PAQR3: variants seen among roughly 807,000 people sequenced by gnomAD.
PAQR3 encodes the protein Raf kinase trapping to Golgi.
Under a neutral mutation model 41.7 loss-of-function variants are expected in PAQR3, and 39 were observed. The ratio of observed to expected loss-of-function variants is 0.93; its 90% confidence interval spans 0.72 to 1.22. The LOEUF is 1.22. PAQR3 is among the 50% of genes most tolerant of loss of function. The pLI is 0.00. For synonymous variants in PAQR3, 140 were observed against 140.6 expected, an observed-to-expected ratio of 1.00 and a Z score of 0.03; for missense variants, 366 against 385.6, an observed-to-expected ratio of 0.95 and a Z score of 0.42.
downstream of PAQR3, chr4:78,910,496 A>G: frequency 1.1e-6 from 1 of 878,616 alleles, no homozygotes; most frequent in East Asian, 2.8e-5. Flanking sequence ...TTTTTCCTCT[A>G]AGGGAACTCG....
downstream of PAQR3, chr4:78,911,093 A>G (rs764890177): frequency 8.7e-6 from 14 of 1,613,988 alleles, no homozygotes; most frequent in East Asian, 2.9e-4. Context: ...GTTGCAGTGG[A>G]GACTCCCAAA....
Position 78,919,077 on chromosome 4 carries a change from A to G in PAQR3, c.*1462T>C. The G allele has an allele frequency of 2.0e-6, 2 of 985,068 alleles. No individual in the cohort carries two copies. Among genetic ancestry groups the G allele is most frequent in the Non-Finnish European group, 1.2e-6 (1 of 829,736 alleles). 61.0% of individuals were successfully genotyped at this position (985,068 alleles called of 1,614,324 possible). A position where few individuals can be genotyped will look rare whatever the true frequency, so the allele number is the denominator to read the frequency against. On this transcript the variant is annotated 3_prime_UTR_variant, in exon 6 of 6. Coordinates refer to ENST00000512733, the MANE Select transcript of PAQR3 (RefSeq NM_001040202.2). ...ACTAGCATGGGGAATTTATATTCCA[A>G]AAACACTACACTGGAAAAGAAACAC...
intron 11 of PAQR3, among the ~76,000 whole-genome samples, chr4:78,900,285 G>A (rs1354603432): frequency 6.6e-6 from 1 of 152,132 alleles, no homozygotes; most frequent in African/African-American, 2.4e-5. Flanking sequence ...TATCAGCAAG[G>A]CTTCTGGTTA....
At position 78,939,409 on chromosome 4, in the gene PAQR3, G is replaced by T; in HGVS notation, c.-185C>A. The T allele has an allele frequency of 3.2e-6, 1 of 315,386 alleles. No individual in the cohort carries two copies. The highest frequency in any genetic ancestry group is 5.3e-6 in the Non-Finnish European group (1 of 189,336). The allele number at this position is 315,386 out of a possible 1,614,324, so 19.5% of individuals were successfully genotyped here. A position where few individuals can be genotyped will look rare whatever the true frequency, so the allele number is the denominator to read the frequency against. On this transcript the variant is annotated 5_prime_UTR_variant, in exon 1 of 6. Transcript: ENST00000512733. ...CACCGGCCACTGCCGCCAGCGCCGCGGCGGACCCGGCAGCGTCGCAGCCTC... is the reference window on the plus strand; with the variant it reads ...CACCGGCCACTGCCGCCAGCGCCGCTGCGGACCCGGCAGCGTCGCAGCCTC...
At chr4:78,904,305 A>C (rs1361404042) in intron 11 of PAQR3, among the ~76,000 whole-genome samples, 2 of 151,916 alleles carry the variant, frequency 1.3e-5, no homozygotes, top group African/African-American at 4.8e-5. Flanking sequence ...TGGGGGCCTA[A>C]TATAGGGAGA....
chr4:78,895,064 C>CG (rs375661225), intron 11 of PAQR3, among the ~76,000 whole-genome samples: 3 of 152,150 alleles, frequency 2.0e-5, no homozygotes, highest in Non-Finnish European at 4.4e-5. Flanking sequence ...CATCAAAGAT[C>CG]ACTGATCACA....
intron 5 of PAQR3, chr4:78,922,541 C>T: frequency 1.1e-6 from 1 of 912,370 alleles, no homozygotes; most frequent in Non-Finnish European, 1.5e-6. Flanking sequence ...TATTTCTGAC[C>T]CATGCCAAAA....
chr4:78,891,565 A>T (rs1160736255), intron 11 of PAQR3, among the ~76,000 whole-genome samples: 1 of 151,974 alleles, frequency 6.6e-6, no homozygotes, highest in African/African-American at 2.4e-5. Context: ...TCTGTTTTCT[A>T]GCTCTTTGTC....
intron 5 of PAQR3, chr4:78,922,460 G>C: frequency 7.9e-7 from 1 of 1,270,530 alleles, no homozygotes; most frequent in Non-Finnish European, 1.0e-6. Flanking sequence ...TTGCAGTTTA[G>C]ATTTAAACTG....
At chr4:78,925,318 C>T (rs566953753) in intron 4 of PAQR3, among the ~76,000 whole-genome samples, 2 of 151,144 alleles carry the variant, frequency 1.3e-5, no homozygotes, top group South Asian at 2.1e-4. Flanking sequence ...ACCAATTATT[C>T]CAGCTGGAAT....
intron 11 of PAQR3, among the ~76,000 whole-genome samples, chr4:78,889,211 ACT>A (rs1197925549): frequency 1.5e-5 from 2 of 134,542 alleles, no homozygotes; most frequent in Non-Finnish European, 1.5e-5. Context: ...ATAGAGTGAG[ACT>A]CTGTCTCAAA....
At position 78,917,957 on chromosome 4, in the gene PAQR3, T is replaced by G; in HGVS notation, c.*2582A>C. ...GTTAAAAATATTTAGTAAACCCAGT[T>G]TATTTACATAATACATATTTTGTCA... On this transcript the variant is annotated 3_prime_UTR_variant, in exon 6 of 6. Transcript: ENST00000512733. The G allele has an allele frequency of 1.0e-6, 1 of 984,272 alleles. No individual in the cohort carries two copies. 61.0% of individuals were successfully genotyped at this position (984,272 alleles called of 1,614,324 possible).
intron 5 of PAQR3, 149 bp downstream of exon 5, chr4:78,923,708 G>C: frequency 1.5e-6 from 1 of 670,448 alleles, no homozygotes; most frequent in Non-Finnish European, 2.6e-6. Flanking sequence ...AAAGCCCTTT[G>C]AAAGTTTTAG....
In PAQR3 at chr4:78,920,341, A is replaced by G; in HGVS notation, c.*198T>C. 6.6e-6 allele frequency: 8 copies of G among 1,217,072 alleles called. No homozygotes were observed. Among genetic ancestry groups the G allele is most frequent in the Non-Finnish European group, 8.2e-6 (8 of 977,490 alleles). The allele number at this position is 1,217,072 out of a possible 1,614,324, so 75.4% of individuals were successfully genotyped here. A position where few individuals can be genotyped will look rare whatever the true frequency, so the allele number is the denominator to read the frequency against. ...ATTTTCACTTTCTGTACAAGCAGCA[A>G]ATTAGTAGTTTTAAGGATTTTGTAA... is the stretch of plus-strand genomic sequence containing the variant. On this transcript the variant is annotated 3_prime_UTR_variant, in exon 6 of 6. Transcript: ENST00000512733.
chr4:78,924,067 CAAT>C, intron 4 of PAQR3, 120 bp from the exon 5 acceptor site: 1 of 745,854 alleles, frequency 1.3e-6, no homozygotes, highest in East Asian at 2.7e-5. Context: ...AGACTGTCTC[CAAT>C]AATAGAAACC....
chr4:78,911,846 C>T (rs369460173), downstream of PAQR3: 4 of 1,613,980 alleles, frequency 2.5e-6, no homozygotes, highest in South Asian at 1.1e-5. Context: ...ACTGTCCTGC[C>T]AGGGCGGCCA....
chr4:78,936,354 A>G (rs770376481), intron 1 of PAQR3, among the ~76,000 whole-genome samples: 33 of 152,252 alleles, frequency 2.2e-4, no homozygotes, highest in Non-Finnish European at 3.8e-4. Flanking sequence ...ACATTGACAT[A>G]TAACTCTAAA....
chr4:78,939,300 T>G lies in PAQR3; in HGVS notation c.-76A>C. 1 of 1,365,062 alleles carries G rather than the reference T, an allele frequency of 7.3e-7. No individual in the cohort carries two copies. 84.6% of individuals were successfully genotyped at this position (1,365,062 alleles called of 1,614,324 possible). On this transcript the variant is annotated 5_prime_UTR_variant, in exon 1 of 6. Transcript: ENST00000512733. The stretch of plus-strand genomic sequence containing the variant: ...CTCCCCGGGGAGGGGGCTTCGCCGC[T>G]GGCGCCCCCGCCCCGGAGCCCGCGG...
intron 4 of PAQR3, among the ~76,000 whole-genome samples, chr4:78,924,711 AGTT>A (rs1370842226): frequency 6.9e-5 from 5 of 72,152 alleles, no homozygotes; most frequent in African/African-American, 2.6e-4. Context: ...CTCTCTCTAC[AGTT>A]GTTTTTTTTT....
Sources: allele counts gnomAD v4.1 joint callset (sites outside exome capture counted in the v4.1 genomes callset), GRCh38; gene constraint gnomAD v4.1.1; transcripts MANE v1.5; gene names NCBI Gene and HGNC (gene_info 2026-07-23, HGNC 2026-07-21).